The following CSMD1 variants were observed in gnomAD, a reference collection of about 807,000 sequenced individuals.
CSMD1 encodes CUB and Sushi multiple domains 1, also known as CUB and sushi domain-containing protein 1.
CSMD1 carries 213 observed loss-of-function variants against 417.5 expected under a neutral mutation model. That is an observed-to-expected ratio of 0.51 (90% confidence interval 0.46 to 0.57). CSMD1 has a LOEUF of 0.57. Among genes scored for constraint, CSMD1 ranks in the 20% least tolerant of loss-of-function variants. CSMD1 has a pLI of 0.00. For synonymous variants in CSMD1, 2,862 were observed against 1,736.8 expected (o/e 1.65, Z -16.11); for missense variants, 6,923 against 4,529.7 (o/e 1.53, Z -15.17).
intron 10 of CSMD1, among the ~76,000 whole-genome samples, chr8:3,541,685 G>A (rs1798444839): frequency 6.7e-6 from 1 of 149,184 alleles, no homozygotes; most frequent in African/African-American, 2.4e-5. Context: ...CCTATAATTA[G>A]TACTAGTTCA....
chr8:4,032,175 C>T, intron 3 of CSMD1, 76 bp from the exon 4 acceptor site: 1 of 1,046,556 alleles, frequency 9.6e-7, no homozygotes, highest in South Asian at 1.7e-5. Flanking sequence ...ATAAAACAGA[C>T]ACCATTTTTG....
chr8:4,434,236 G>A (rs551251435), intron 2 of CSMD1, among the ~76,000 whole-genome samples: 1 of 152,092 alleles, frequency 6.6e-6, no homozygotes, highest in Non-Finnish European at 1.5e-5. Context: ...TAATTCCATA[G>A]GGTGTGGCTG....
chr8:3,352,859 G>C (rs1438815954), intron 21 of CSMD1, among the ~76,000 whole-genome samples: 1 of 151,764 alleles, frequency 6.6e-6, no homozygotes, highest in Non-Finnish European at 1.5e-5. Flanking sequence ...AACAAACAAA[G>C]AAACAAACAA....
intron 5 of CSMD1, among the ~76,000 whole-genome samples, chr8:3,866,007 G>C (rs918865402): frequency 2.0e-5 from 3 of 152,158 alleles, no homozygotes; most frequent in Non-Finnish European, 2.9e-5. Flanking sequence ...AGTCATGTTA[G>C]TGAGATAAAT....
chr8:4,237,865 C>T (rs1021636086), intron 3 of CSMD1, among the ~76,000 whole-genome samples: 2 of 152,050 alleles, frequency 1.3e-5, no homozygotes, highest in African/African-American at 2.4e-5. Flanking sequence ...TTTTTCTGGA[C>T]AATGCCTTAT....
chr8:4,426,993 T>C (rs1797596929), intron 2 of CSMD1, among the ~76,000 whole-genome samples: 1 of 152,050 alleles, frequency 6.6e-6, no homozygotes, highest in African/African-American at 2.4e-5. Context: ...GGGGACAATT[T>C]AGATATCAAG....
At chr8:4,432,756 A>G (rs1797938377) in intron 2 of CSMD1, among the ~76,000 whole-genome samples, 1 of 152,190 alleles carries the variant, frequency 6.6e-6, no homozygotes, top group Non-Finnish European at 1.5e-5. Context: ...AGGGCCATAG[A>G]GGAAATAAAA....
At chr8:3,508,209 T>C (rs1367198846) in intron 10 of CSMD1, among the ~76,000 whole-genome samples, 1 of 152,090 alleles carries the variant, frequency 6.6e-6, no homozygotes, top group African/African-American at 2.4e-5. Flanking sequence ...TGTCTAGAAA[T>C]AGCAGGTAGT....
At chr8:4,065,709 G>A (rs1212898887) in intron 3 of CSMD1, among the ~76,000 whole-genome samples, 1 of 152,192 alleles carries the variant, frequency 6.6e-6, no homozygotes, top group Non-Finnish European at 1.5e-5. Context: ...ACATGTATCT[G>A]TGCTAGGTTA....
chr8:3,170,075 C>G (rs1027193484), intron 37 of CSMD1, among the ~76,000 whole-genome samples: 2 of 152,272 alleles, frequency 1.3e-5, no homozygotes, highest in Non-Finnish European at 2.9e-5. Flanking sequence ...AGCTTCTACT[C>G]TCCTTTGCGG....
chr8:4,503,969 CAAAA>C (rs200846437), intron 2 of CSMD1, among the ~76,000 whole-genome samples: 1 of 85,796 alleles, frequency 1.2e-5, no homozygotes. Flanking sequence ...CTTGCATATT[CAAAA>C]AAAAAAAAAA....
At position 4,461,748 on chromosome 8, in the gene CSMD1, T is replaced by A. The variant is rs1183058395; in HGVS notation, c.303-41683A>T. On this transcript the variant is annotated intron_variant, in intron 2 of 69. Coordinates refer to ENST00000635120, the MANE Select transcript of CSMD1 (RefSeq NM_033225.6). ...TTTATTATTTATTTACTTATTTTTT[T>A]TTTTTTTTTGGAGATGGAGTCTCGC... Among the ~76,000 whole-genome samples, 747 of 137,084 alleles carry A rather than the reference T, an allele frequency of 5.4e-3. 1 individual carries two copies. Among genetic ancestry groups the A allele is most frequent in the African/African-American group, 0.019 (700 of 36,002 alleles). The allele number at this position is 137,084 out of a possible 152,430, so 89.9% of individuals were successfully genotyped here.
At chr8:3,179,038 C>A (rs1821123615) in intron 37 of CSMD1, among the ~76,000 whole-genome samples, 1 of 151,402 alleles carries the variant, frequency 6.6e-6, no homozygotes, top group African/African-American at 2.4e-5. Context: ...AGCTCTGCCT[C>A]CCGGGTTCAC....
chr8:4,019,617 A>AT (rs1294059875), intron 4 of CSMD1, among the ~76,000 whole-genome samples: 1 of 152,122 alleles, frequency 6.6e-6, no homozygotes, highest in Non-Finnish European at 1.5e-5. Context: ...AAGACAAGTG[A>AT]TTTCCTTGAA....
intron 50 of CSMD1, among the ~76,000 whole-genome samples, chr8:3,038,194 C>CT (rs1337453122): frequency 6.6e-6 from 1 of 152,184 alleles, no homozygotes; most frequent in Non-Finnish European, 1.5e-5. Context: ...CTCAGCGAGA[C>CT]AAGACCAACA....
chr8:4,525,978 C>T lies in CSMD1; in HGVS notation c.303-105913G>A, dbSNP rs76761761. The stretch of plus-strand genomic sequence containing the variant: ...CTGGGTCCTGAACGCTGCCTTTGCC[C>T]GTTGCTTCCAGAAAACAGTGGGGAG... On this transcript the variant is annotated intron_variant, in intron 2 of 69. Coordinates refer to ENST00000635120, the MANE Select transcript of CSMD1 (RefSeq NM_033225.6). 4.6e-3 allele frequency among the ~76,000 whole-genome samples: 699 copies of T among 152,152 alleles called. 14 individuals are homozygous for T. The highest frequency in any genetic ancestry group is 0.039 in the East Asian group (200 of 5,150).
intron 3 of CSMD1, among the ~76,000 whole-genome samples, chr8:4,358,894 T>A (rs993908701): frequency 2.0e-5 from 3 of 152,126 alleles, no homozygotes; most frequent in Non-Finnish European, 4.4e-5. Flanking sequence ...AACCTAAAAC[T>A]ACAGGACAGT....
intron 2 of CSMD1, among the ~76,000 whole-genome samples, chr8:4,572,931 G>T (rs1043696127): frequency 5.3e-5 from 8 of 151,954 alleles, no homozygotes; most frequent in Admixed American, 2.6e-4. Flanking sequence ...TTGTGTATGC[G>T]TCATGAAGTC....
chr8:4,730,252 C>CT (rs1397666415), intron 1 of CSMD1, among the ~76,000 whole-genome samples: 5 of 151,808 alleles, frequency 3.3e-5, no homozygotes, highest in Non-Finnish European at 5.9e-5. Context: ...TATATATATA[C>CT]TTTTTTATGT....
Sources: allele counts gnomAD v4.1 joint callset (sites outside exome capture counted in the v4.1 genomes callset), GRCh38; gene constraint gnomAD v4.1.1; transcripts MANE v1.5; gene names NCBI Gene and HGNC (gene_info 2026-07-23, HGNC 2026-07-21).